FRMPD1: variants seen among roughly 807,000 people sequenced by gnomAD.
The protein encoded by FRMPD1 is FERM and PDZ domain-containing protein 1.
A neutral mutation model predicts 117.8 loss-of-function variants in FRMPD1; 76 were observed. The observed-to-expected ratio is 0.65, with a 90% confidence interval of 0.54 to 0.78. FRMPD1 has a LOEUF of 0.78. Ranked by LOEUF, FRMPD1 falls within the 30% of genes least tolerant of loss-of-function variation. FRMPD1 has a pLI of 0.00. For synonymous variants in FRMPD1, 783 were observed against 770.4 expected (o/e 1.02, Z -0.27); for missense variants, 1,786 against 1,964.5 (o/e 0.91, Z 1.72).
chr9:37,679,238 T>C (rs1343271012), intron 1 of FRMPD1, among the ~76,000 whole-genome samples: 2 of 152,206 alleles, frequency 1.3e-5, no homozygotes, highest in African/African-American at 2.4e-5. Flanking sequence ...CCAGAAGCAT[T>C]TGGGGAACTG....
rs1244757529 is a variant in FRMPD1 at position 37,745,433 on chromosome 9, G to A, written c.3401G>A (p.Gly1134Asp). The change falls in exon 16 of 16, where the codon GGT becomes GAT. Residue 1134 changes from glycine to aspartate, a missense_variant. Gly to Asp is a moderately conservative substitution (Grantham distance 94). Coordinates refer to ENST00000377765, the MANE Select transcript of FRMPD1 (RefSeq NM_014907.3). ...CAGGAGGAGTCTAGGAAGGATTCAGGTGACTCCCCGGGTGATGTGTCAAAT... is the reference window on the plus strand; with the variant it reads ...CAGGAGGAGTCTAGGAAGGATTCAGATGACTCCCCGGGTGATGTGTCAAAT... ...VFQEESRKDS[G>D]DSPGDVSNNV... The A allele has an allele frequency of 1.2e-6, 2 of 1,613,956 alleles. No individual in the cohort carries two copies. The highest frequency in any genetic ancestry group is 2.2e-5 in the East Asian group (1 of 44,882).
chr9:37,625,288 G>C, the FRMPD1 span, among the ~76,000 whole-genome samples: 2 of 152,130 alleles, frequency 1.3e-5, no homozygotes, highest in Non-Finnish European at 1.5e-5. Context: ...GCTTTTCTTG[G>C]TCTGATCCTC....
Position 37,746,112 on chromosome 9 carries a change from A to C in FRMPD1, c.4080A>C (p.Ala1360=). The C allele has an allele frequency of 6.2e-7, 1 of 1,614,182 alleles. No homozygotes were observed. Among genetic ancestry groups the C allele is most frequent in the South Asian group, 1.1e-5 (1 of 91,090 alleles). The change falls in exon 16 of 16, where the codon GCA becomes GCC. Residue 1360 remains alanine (A), a synonymous_variant. Coordinates refer to ENST00000377765, the MANE Select transcript of FRMPD1 (RefSeq NM_014907.3). ...ETEEEDRDLE[A]HPMAPLTSPP... ...AGGAAGAAGACAGGGACTTGGAAGC[A>C]CACCCCATGGCCCCCCTCACCTCAC...
chr9:37,720,744 G>A (rs182917657), intron 6 of FRMPD1, among the ~76,000 whole-genome samples: 22 of 152,202 alleles, frequency 1.4e-4, no homozygotes, highest in African/African-American at 5.1e-4. Flanking sequence ...AAAATTAGCT[G>A]GGCATGGTTG....
chr9:37,638,665 T>C, the FRMPD1 span, among the ~76,000 whole-genome samples: 2 of 152,204 alleles, frequency 1.3e-5, no homozygotes, highest in Admixed American at 6.5e-5. Flanking sequence ...CCTTTACTCT[T>C]CAAAGTTGAT....
chr9:37,726,088 A>C (rs1427397031), intron 7 of FRMPD1, among the ~76,000 whole-genome samples: 1 of 152,240 alleles, frequency 6.6e-6, no homozygotes, highest in East Asian at 1.9e-4. Flanking sequence ...GGGGAAATGA[A>C]CAAGGACTTA....
In FRMPD1 at chr9:37,731,089, T is replaced by C. The variant is rs930651934; in HGVS notation, c.844T>C (p.Tyr282His). ...LLKEDPVAFE[Y>H]LYLQSCSDVL... ...GAAAGAAGACCCCGTGGCCTTTGAA[T>C]ACCTCTATCTGCAGGTGACTGGGTC... Residue 282 changes from tyrosine (Y) to histidine (H), a missense_variant, in exon 9 of 16, where the codon TAC becomes CAC. By Grantham distance (83) the Tyr-to-His change is moderately conservative. Coordinates refer to ENST00000377765, the MANE Select transcript of FRMPD1 (RefSeq NM_014907.3). The C allele has an allele frequency of 8.1e-6, 13 of 1,613,566 alleles. No individual in the cohort carries two copies. In the Admixed American group the frequency reaches 1.7e-4, roughly 21 times the overall value.
chr9:37,650,563 G>A (rs774322368), upstream of FRMPD1, among the ~76,000 whole-genome samples: 1 of 152,222 alleles, frequency 6.6e-6, no homozygotes, highest in Non-Finnish European at 1.5e-5. Flanking sequence ...GGCTCTTCCT[G>A]GGGAAAAGGA....
chr9:37,681,724 C>T (rs1821737194), intron 1 of FRMPD1, among the ~76,000 whole-genome samples: 1 of 152,214 alleles, frequency 6.6e-6, no homozygotes, highest in South Asian at 2.1e-4. Flanking sequence ...GCATTTCAGA[C>T]ATCTGTAACT....
At chr9:37,636,071 G>A in the FRMPD1 span, among the ~76,000 whole-genome samples, 3 of 152,308 alleles carry the variant, frequency 2.0e-5, no homozygotes, top group South Asian at 6.2e-4. Flanking sequence ...GCCCAGCGCC[G>A]CTACCCGCCC....
chr9:37,690,447 GT>G (rs1357101261), intron 1 of FRMPD1, among the ~76,000 whole-genome samples: 1 of 151,678 alleles, frequency 6.6e-6, no homozygotes, highest in African/African-American at 2.4e-5. Context: ...GAATTTTTCT[GT>G]TTGTTTTGGT....
At chr9:37,670,805 A>C (rs911030176) in intron 1 of FRMPD1, among the ~76,000 whole-genome samples, 3 of 152,168 alleles carry the variant, frequency 2.0e-5, no homozygotes, top group Non-Finnish European at 4.4e-5. Context: ...TTATTTTGTA[A>C]CTGCTTTGCA....
chr9:37,648,482 G>GT (rs1820572272), upstream of FRMPD1, among the ~76,000 whole-genome samples: 2 of 152,172 alleles, frequency 1.3e-5, no homozygotes, highest in Non-Finnish European at 2.9e-5. Flanking sequence ...GGTCAGGTCT[G>GT]TGGTTGAAAA....
rs377425973 is a variant in FRMPD1 at position 37,746,741 on chromosome 9, A to G, written c.4709A>G (p.Gln1570Arg). 2.3e-5 allele frequency: 37 copies of G among 1,613,924 alleles called. No homozygotes were observed. Among genetic ancestry groups the G allele is most frequent in the Admixed American group, 5.0e-5 (3 of 60,006 alleles). ...ACGGCCGCCGTGTTCTGTTTGACCC[A>G]GAAGTTCCGGGCATCCACGGCCCTG... The part of the protein sequence containing the change: ...ALTAAVFCLT[Q>R]KFRASTAL The change falls in exon 16 of 16, where the codon CAG (glutamine) becomes CGG (arginine). Residue 1570 changes from glutamine to arginine, a missense_variant. Transcript: ENST00000377765.
the FRMPD1 span, among the ~76,000 whole-genome samples, chr9:37,605,556 G>T: frequency 6.6e-6 from 1 of 152,106 alleles, no homozygotes; most frequent in South Asian, 2.1e-4. Context: ...TGCCCTAGAG[G>T]AGCCCCCTGC....
intron 6 of FRMPD1, among the ~76,000 whole-genome samples, chr9:37,723,238 C>T (rs2118298163): frequency 6.6e-6 from 1 of 152,266 alleles, no homozygotes; most frequent in Non-Finnish European, 1.5e-5. Context: ...GAACAGTGTG[C>T]ATGCTGGTCA....
intron 2 of FRMPD1, among the ~76,000 whole-genome samples, chr9:37,703,558 A>G (rs1043659113): frequency 3.3e-5 from 5 of 152,152 alleles, no homozygotes; most frequent in African/African-American, 9.7e-5. Context: ...ATACCATACA[A>G]TTCCCCCATT....
At chr9:37,735,108 A>G in intron 12 of FRMPD1, among the ~76,000 whole-genome samples, 1 of 152,250 alleles carries the variant, frequency 6.6e-6, no homozygotes, top group South Asian at 2.1e-4. Context: ...ATAAGTGTTC[A>G]GTGCTAGTAG....
At chr9:37,666,339 A>G (rs2119402203) in intron 1 of FRMPD1, among the ~76,000 whole-genome samples, 1 of 152,266 alleles carries the variant, frequency 6.6e-6, no homozygotes, top group African/African-American at 2.4e-5. Context: ...TGAAATGTAA[A>G]TGTCCTTAGT....
Sources: allele counts gnomAD v4.1 joint callset (sites outside exome capture counted in the v4.1 genomes callset), GRCh38; gene constraint gnomAD v4.1.1; transcripts MANE v1.5; gene names NCBI Gene and HGNC (gene_info 2026-07-23, HGNC 2026-07-21).